ERN1: variants seen among roughly 807,000 people sequenced by gnomAD.
The protein encoded by ERN1 is endoplasmic reticulum to nucleus signaling 1, also known as serine/threonine-protein kinase/endoribonuclease IRE1.
Under a neutral mutation model 113.1 loss-of-function variants are expected in ERN1, and 39 were observed. That is an observed-to-expected ratio of 0.34 (90% CI 0.27 to 0.45). The LOEUF (loss-of-function observed/expected upper bound fraction) is 0.45. Among genes scored for constraint, ERN1 ranks in the 20% least tolerant of loss-of-function variants. The pLI is 1.00. For missense variants in ERN1, 976 were observed against 1,274.8 expected (o/e 0.77, Z 3.57); for synonymous variants, 507 against 515.9 (o/e 0.98, Z 0.23).
At chr17:64,128,161 A>AG (rs776937139) in intron 1 of ERN1, among the ~76,000 whole-genome samples, 3 of 126,400 alleles carry the variant, frequency 2.4e-5, no homozygotes, top group African/African-American at 9.6e-5. Flanking sequence ...CGCCCGGCTA[A>AG]TTTTTTTTTT....
chr17:64,117,607 G>A (rs1054675868), intron 1 of ERN1, among the ~76,000 whole-genome samples: 1 of 152,124 alleles, frequency 6.6e-6, no homozygotes, highest in Non-Finnish European at 1.5e-5. Context: ...ACAAACAGGA[G>A]CACCAACCTG....
At chr17:64,085,302 G>T (rs1030082171) in intron 2 of ERN1, among the ~76,000 whole-genome samples, 1 of 152,190 alleles carries the variant, frequency 6.6e-6, no homozygotes, top group Non-Finnish European at 1.5e-5. Flanking sequence ...CTCTGATGAG[G>T]GCTTCTGGCT....
intron 2 of ERN1, among the ~76,000 whole-genome samples, chr17:64,082,080 C>T (rs2143415290): frequency 6.6e-6 from 1 of 152,310 alleles, no homozygotes; most frequent in Admixed American, 6.5e-5. Context: ...TGACAGACGG[C>T]TGTCCAATCC....
At chr17:64,126,428 G>A (rs555728223) in intron 1 of ERN1, among the ~76,000 whole-genome samples, 19 of 152,224 alleles carry the variant, frequency 1.2e-4, no homozygotes, top group African/African-American at 4.3e-4. Context: ...GGCAAATAAT[G>A]AAACCCTCAG....
In ERN1 at chr17:64,055,784, C is replaced by T. The variant is rs758467855; in HGVS notation, c.1563G>A (p.Ser521=). ...GGGACGTGCTGGGGCTGCTGGTGCC[C>T]GAGCTCTCTGAGTACGGGCCAGACG... ...LDTSGPYSES[S]GTSSPSTSPR... is the part of the protein sequence containing the mutation. Residue 521 remains serine (S), a synonymous_variant, in exon 13 of 22, where the codon TCG becomes TCA. Coordinates refer to ENST00000433197, the MANE Select transcript of ERN1 (RefSeq NM_001433.5). 165 of 1,600,122 alleles carry T rather than the reference C, an allele frequency of 1.0e-4. No homozygotes were observed. Among genetic ancestry groups the T allele is most frequent in the South Asian group, 4.9e-4 (44 of 89,020 alleles).
chr17:64,103,681 G>A (rs1218583495), intron 1 of ERN1, among the ~76,000 whole-genome samples: 2 of 152,160 alleles, frequency 1.3e-5, no homozygotes, highest in Non-Finnish European at 2.9e-5. Context: ...TCAGCTAATT[G>A]TTAGGGCTCT....
chr17:64,069,782 C>A (rs548274460), intron 6 of ERN1, among the ~76,000 whole-genome samples: 12 of 152,080 alleles, frequency 7.9e-5, no homozygotes, highest in Non-Finnish European at 1.8e-4. Flanking sequence ...TCAAGAGGTG[C>A]CACACTTGAG....
chr17:64,105,107 C>T, intron 1 of ERN1, among the ~76,000 whole-genome samples: 1 of 151,758 alleles, frequency 6.6e-6, no homozygotes, highest in East Asian at 1.9e-4. Context: ...CCCAACTGTA[C>T]ATCCCTCTCT....
intron 1 of ERN1, among the ~76,000 whole-genome samples, chr17:64,101,367 G>A (rs571181444): frequency 2.0e-5 from 3 of 152,026 alleles, no homozygotes; most frequent in East Asian, 3.9e-4. Context: ...CTGAGATCAC[G>A]CCACTGTACG....
At position 64,110,773 on chromosome 17, in the gene ERN1, T is replaced by C. The variant is rs1914650289; in HGVS notation, c.55-12532A>G. On this transcript the variant is annotated intron_variant, in intron 1 of 21. Transcript: ENST00000433197. Reference sequence around the variant, plus strand: ...TGTAATTTCAGCATAGGTTTTCTATTATCTAGGCTTCTCTGAGAAGCGATC... The same window carrying C: ...TGTAATTTCAGCATAGGTTTTCTATCATCTAGGCTTCTCTGAGAAGCGATC... Among the ~76,000 whole-genome samples the C allele has an allele frequency of 2.6e-5, 4 of 152,230 alleles. No homozygotes were observed. The South Asian group carries it at 8.3e-4, about 32-fold the overall frequency.
chr17:64,124,355 TC>T (rs1915025741), intron 1 of ERN1, among the ~76,000 whole-genome samples: 1 of 152,212 alleles, frequency 6.6e-6, no homozygotes, highest in Admixed American at 6.5e-5. Flanking sequence ...AATCCAAATG[TC>T]CCTCAATGGA....
Position 64,045,389 on chromosome 17 carries a change from G to A in ERN1, c.2623C>T (p.Arg875Trp), listed in dbSNP as rs776930056. The A allele has an allele frequency of 5.6e-6, 9 of 1,613,632 alleles. No individual in the cohort carries two copies. Among genetic ancestry groups the A allele is most frequent in the East Asian group, 2.2e-5 (1 of 44,892 alleles). Residue 875 changes from arginine to tryptophan, a missense_variant, in exon 20 of 22, where the codon CGG becomes TGG. Arg to Trp is a moderately radical substitution (Grantham distance 101). Around this residue, in one of 5 missense-constraint regions of ERN1, gnomAD observed 297 missense variants for 457.8 expected, o/e 0.65. Coordinates refer to ENST00000433197, the MANE Select transcript of ERN1 (RefSeq NM_001433.5). ...GGRAVVKMDW[R>W]ENITVPLQTD... ...TGGAGGGGGACAGTGATGTTCTCCC[G>A]CCAGTCCATCTTCACCACGGCTCTC...
At chr17:64,098,563 C>A in intron 1 of ERN1, 1 of 570,450 alleles carries the variant, frequency 1.8e-6, no homozygotes, top group Non-Finnish European at 3.4e-6. Context: ...TTCTCTTGGG[C>A]CTATTCTATT....
intron 6 of ERN1, among the ~76,000 whole-genome samples, chr17:64,069,630 G>A (rs1913346269): frequency 6.6e-6 from 1 of 152,180 alleles, no homozygotes; most frequent in Non-Finnish European, 1.5e-5. Flanking sequence ...AAGGCCCAAT[G>A]TGTGATATGT....
intron 1 of ERN1, among the ~76,000 whole-genome samples, chr17:64,114,626 CT>C (rs1211662557): frequency 6.6e-6 from 1 of 151,900 alleles, no homozygotes; most frequent in Admixed American, 6.6e-5. Context: ...GAGTCAGAAT[CT>C]TTTTTTTACG....
intron 2 of ERN1, among the ~76,000 whole-genome samples, chr17:64,090,850 G>T (rs1017254490): frequency 6.6e-5 from 10 of 152,102 alleles, no homozygotes; most frequent in East Asian, 1.9e-4. Flanking sequence ...GTACATGGGG[G>T]TTCTTTACAT....
chr17:64,085,346 G>A (rs777671105), intron 2 of ERN1, among the ~76,000 whole-genome samples: 9 of 152,174 alleles, frequency 5.9e-5, no homozygotes, highest in Non-Finnish European at 8.8e-5. Context: ...AAGGGGAACC[G>A]GAGTGTACAG....
At chr17:64,096,572 G>C (rs369527940) in intron 2 of ERN1, among the ~76,000 whole-genome samples, 1 of 152,064 alleles carries the variant, frequency 6.6e-6, no homozygotes, top group Non-Finnish European at 1.5e-5. Context: ...CTGCTCCCCC[G>C]GTCCATGGAA....
chr17:64,129,529 T>A (rs1360254196), intron 1 of ERN1: 5 of 331,022 alleles, frequency 1.5e-5, no homozygotes, highest in African/African-American at 1.1e-4. Flanking sequence ...GGACAGACCC[T>A]TCCCCTGGAT....
Sources: allele counts gnomAD v4.1 joint callset (sites outside exome capture counted in the v4.1 genomes callset), GRCh38; gene constraint gnomAD v4.1.1; regional missense constraint gnomAD v4.1.1; transcripts MANE v1.5; gene names NCBI Gene and HGNC (gene_info 2026-07-23, HGNC 2026-07-21).